MASTL: variants seen among roughly 807,000 people sequenced by gnomAD.
MASTL encodes serine/threonine-protein kinase greatwall.
MASTL carries 54 observed loss-of-function variants against 82.5 expected under a neutral mutation model. That is an observed-to-expected ratio of 0.65 (90% CI 0.53 to 0.82). MASTL has a LOEUF of 0.82. MASTL is among the 40% of genes least tolerant of loss of function. The probability of loss-of-function intolerance (pLI) is 0.00; values close to 1 mark genes in which losing one functional copy is unlikely to be tolerated. For synonymous variants in MASTL, 323 were observed against 368.9 expected (o/e 0.88, Z 1.43); for missense variants, 950 against 1,047.8 (o/e 0.91, Z 1.29).
intron 9 of MASTL, among the ~76,000 whole-genome samples, chr10:27,176,928 T>A (rs2058119936): frequency 6.7e-6 from 1 of 150,102 alleles, no homozygotes; most frequent in African/African-American, 2.4e-5. Context: ...TCACTGCAAC[T>A]CCCGCCTCCT....
chr10:27,155,254 C>A, upstream of MASTL: 1 of 662,786 alleles, frequency 1.5e-6, no homozygotes. Flanking sequence ...GGGGCTTTCC[C>A]GACGCCCCCT....
chr10:27,170,511 C>A lies in MASTL; in HGVS notation c.1552C>A (p.Gln518Lys). 1 of 1,613,886 alleles carries A rather than the reference C, an allele frequency of 6.2e-7. No homozygotes were observed. The highest frequency in any genetic ancestry group is 8.5e-7 in the Non-Finnish European group (1 of 1,179,902). The change falls in exon 8 of 12, where the codon CAA (glutamine) becomes AAA (lysine). Residue 518 changes from glutamine (Q) to lysine (K), a missense_variant. Coordinates refer to ENST00000375940, the MANE Select transcript of MASTL (RefSeq NM_001172303.3). ...TGTCAATTCTTTTACTGATAAACAA[C>A]AAACACCAGAAAAATTACCTATACC... ...NIVNSFTDKQ[Q>K]TPEKLPIPMI...
At chr10:27,172,860 ATT>A (rs936278133) in intron 8 of MASTL, among the ~76,000 whole-genome samples, 6 of 151,722 alleles carry the variant, frequency 4.0e-5, no homozygotes, top group African/African-American at 1.5e-4. Context: ...TTTCTTGCAG[ATT>A]TTTTTTATTG....
Position 27,170,290 on chromosome 10 carries a change from A to G in MASTL, c.1331A>G (p.Lys444Arg). ...GAGCACCTTGGGAAAAGAAGTTTAAAAAGAAATTTTGAGTTGGTTGACTCC... is the reference window on the plus strand; with the variant it reads ...GAGCACCTTGGGAAAAGAAGTTTAAGAAGAAATTTTGAGTTGGTTGACTCC... Reference protein sequence around the residue: ...SEEHLGKRSLKRNFELVDSSP... With the variant: ...SEEHLGKRSLRRNFELVDSSP... Residue 444 changes from lysine to arginine, a missense_variant, in exon 8 of 12, where the codon AAA becomes AGA. Physicochemically the swap from Lys to Arg is conservative, Grantham distance 26. Transcript: ENST00000375940. 1 of 1,614,122 alleles carries G rather than the reference A, an allele frequency of 6.2e-7. No individual in the cohort carries two copies. Among genetic ancestry groups the G allele is most frequent in the African/African-American group, 1.3e-5 (1 of 75,058 alleles).
At chr10:27,176,495 A>T (rs1393820298) in intron 9 of MASTL, among the ~76,000 whole-genome samples, 1 of 152,200 alleles carries the variant, frequency 6.6e-6, no homozygotes, top group Non-Finnish European at 1.5e-5. Flanking sequence ...CTCTCATACC[A>T]GCCTTGTCTC....
intron 1 of MASTL, among the ~76,000 whole-genome samples, chr10:27,157,434 A>T (rs1242952072): frequency 6.6e-6 from 1 of 152,196 alleles, no homozygotes; most frequent in Non-Finnish European, 1.5e-5. Flanking sequence ...GATAGGAAAA[A>T]TCATGTTACC....
rs777820830 is a variant in MASTL at position 27,165,049 on chromosome 10, T to C, written c.554-15T>C. 7 of 1,447,582 alleles carry C rather than the reference T, an allele frequency of 4.8e-6. No individual in the cohort carries two copies. The Admixed American group carries it at 1.2e-4, about 24-fold the overall frequency. 89.7% of individuals were successfully genotyped at this position (1,447,582 alleles called of 1,614,324 possible). On this transcript the variant is annotated splice_polypyrimidine_tract_variant and intron_variant, in intron 4 of 11. Transcript: ENST00000375940. ...GGTTTTAAATACATTTATATACTTT[T>C]CTTTGCATACATAGATATTAATATG...
At chr10:27,186,003 C>A (rs1478451371) in intron 11 of MASTL, among the ~76,000 whole-genome samples, 1 of 152,120 alleles carries the variant, frequency 6.6e-6, no homozygotes, top group Admixed American at 6.6e-5. Flanking sequence ...GTAGGAGAAT[C>A]GCTTGAACCC....
Position 27,170,745 on chromosome 10 carries a change from GA to G in MASTL, c.1788del (p.Glu596AspfsTer15). The G allele has an allele frequency of 6.2e-7, 1 of 1,613,756 alleles. No homozygotes were observed. The highest frequency in any genetic ancestry group is 8.5e-7 in the Non-Finnish European group (1 of 1,179,808). On this transcript the variant is annotated frameshift_variant, in exon 8 of 12. Transcript: ENST00000375940. LOFTEE classifies it high-confidence loss of function. ...CTTAGATTCAGATAGAAGCATCAAA[GA>G]ATCCTCTTTTGAAGAATCAAATATT... ...QPLDSDRSIK[E>X]SSFEESNIED...
upstream of MASTL, chr10:27,154,498 G>A (rs879146888): frequency 7.4e-6 from 4 of 538,494 alleles, no homozygotes; most frequent in East Asian, 3.0e-5. Context: ...CATTTACAAG[G>A]AGCAGCGCCC....
At chr10:27,174,113 G>C (rs1021610996) in intron 9 of MASTL, among the ~76,000 whole-genome samples, 1 of 151,832 alleles carries the variant, frequency 6.6e-6, no homozygotes, top group Non-Finnish European at 1.5e-5. Flanking sequence ...CTAGCACTTC[G>C]GGAGGCCAAG....
Position 27,170,997 on chromosome 10 carries a change from G to T in MASTL, c.2038G>T (p.Ala680Ser). 2 of 1,614,028 alleles carry T rather than the reference G, an allele frequency of 1.2e-6. No individual in the cohort carries two copies. Among genetic ancestry groups the T allele is most frequent in the Non-Finnish European group, 8.5e-7 (1 of 1,179,928 alleles). The change falls in exon 8 of 12, where the codon GCA becomes TCA. Residue 680 changes from alanine to serine, a missense_variant. Transcript: ENST00000375940. ...CAGAATGAACATGACTTCTTTAGAT[G>T]CAATGGATATTTCGTGTGCCTACAG... is the stretch of plus-strand genomic sequence containing the variant. ...PSRMNMTSLD[A>S]MDISCAYSGS...
intron 1 of MASTL, among the ~76,000 whole-genome samples, chr10:27,156,809 C>T (rs572117230): frequency 5.1e-4 from 77 of 150,466 alleles, no homozygotes; most frequent in African/African-American, 1.8e-3. Context: ...TGTGAGCCAC[C>T]GCGCCCTGCC....
intron 11 of MASTL, among the ~76,000 whole-genome samples, chr10:27,184,554 A>ATTTTTTTTTTTTTTTTTTTTTT (rs752147433): frequency 1.2e-5 from 1 of 84,848 alleles, no homozygotes; most frequent in Non-Finnish European, 2.1e-5. Flanking sequence ...TATAAGAAGG[A>ATTTTTTTTTTTTTTTTTTTTTT]TTTTTTTTTT....
At chr10:27,182,489 A>G (rs972347468) in intron 11 of MASTL, among the ~76,000 whole-genome samples, 1 of 152,030 alleles carries the variant, frequency 6.6e-6, no homozygotes, top group Non-Finnish European at 1.5e-5. Context: ...GCTCATGCCT[A>G]TACTCCAAGC....
At position 27,155,590 on chromosome 10, in the gene MASTL, G is replaced by T; in HGVS notation, c.164G>T (p.Gly55Val). ...GGGAAAGTGTATCTGGGGCAGAAAG[G>T]CGGCAAATTGTATGCAGTAAAGGTA... Reference protein sequence around the residue: ...AFGKVYLGQKGGKLYAVKVVK... With the variant: ...AFGKVYLGQKVGKLYAVKVVK... The change falls in exon 1 of 12, where the codon GGC becomes GTC. Residue 55 changes from glycine (G) to valine (V), a missense_variant. Coordinates refer to ENST00000375940, the MANE Select transcript of MASTL (RefSeq NM_001172303.3). 1 of 1,614,214 alleles carries T rather than the reference G, an allele frequency of 6.2e-7. No individual in the cohort carries two copies. Among genetic ancestry groups the T allele is most frequent in the Non-Finnish European group, 8.5e-7 (1 of 1,180,028 alleles).
intron 9 of MASTL, among the ~76,000 whole-genome samples, chr10:27,175,700 T>C (rs1465503394): frequency 6.6e-6 from 1 of 152,184 alleles, no homozygotes; most frequent in Admixed American, 6.6e-5. Context: ...TGTTGATGAT[T>C]CCCAAATCTC....
intron 9 of MASTL, 96 bp from the exon 10 acceptor site, chr10:27,180,857 C>T (rs2058250965): frequency 2.4e-6 from 2 of 840,510 alleles, no homozygotes; most frequent in South Asian, 1.4e-5. Flanking sequence ...CAGCCTAACT[C>T]GTTTTCCCTA....
At chr10:27,176,000 G>A (rs1467433135) in intron 9 of MASTL, among the ~76,000 whole-genome samples, 1 of 151,728 alleles carries the variant, frequency 6.6e-6, no homozygotes, top group East Asian at 1.9e-4. Flanking sequence ...AGGAGGCTGA[G>A]ACAGGAGAAT....
Sources: allele counts gnomAD v4.1 joint callset (sites outside exome capture counted in the v4.1 genomes callset), GRCh38; gene constraint gnomAD v4.1.1; transcripts MANE v1.5; gene names NCBI Gene and HGNC (gene_info 2026-07-23, HGNC 2026-07-21).